The following RILPL2 variants were observed in gnomAD, a reference collection of about 807,000 sequenced individuals.
RILPL2 encodes the protein RILP-like protein 2.
In RILPL2, 19 loss-of-function variants were observed where a neutral mutation model predicts 22.2. That is an observed-to-expected ratio of 0.86 (90% CI 0.60 to 1.25). The LOEUF (loss-of-function observed/expected upper bound fraction) is 1.25, where lower values mean the gene tolerates loss of function less well. Among genes scored for constraint, RILPL2 ranks in the 50% most tolerant of loss-of-function variants. The pLI is 0.00. For missense variants in RILPL2, 243 were observed against 263.6 expected (o/e 0.92, Z 0.54); for synonymous variants, 123 against 111.6 (o/e 1.10, Z -0.64).
At chr12:123,421,888 G>A (rs1465166358) in intron 3 of RILPL2, among the ~76,000 whole-genome samples, 3 of 151,544 alleles carry the variant, frequency 2.0e-5, no homozygotes, top group Non-Finnish European at 1.5e-5. Flanking sequence ...GGCTGGTCTC[G>A]AACTCCTGAC....
chr12:123,421,683 T>C (rs1879286153), intron 3 of RILPL2, among the ~76,000 whole-genome samples: 1 of 149,634 alleles, frequency 6.7e-6, no homozygotes, highest in South Asian at 2.1e-4. Context: ...TTTTTTTTTT[T>C]TTTTTTTTGA....
Position 123,430,136 on chromosome 12 carries a change from T to G in RILPL2, c.491+372A>C, listed in dbSNP as rs1233685097. On this transcript the variant is annotated intron_variant, in intron 2 of 3. Coordinates refer to ENST00000280571, the MANE Select transcript of RILPL2 (RefSeq NM_145058.3). Reference sequence around the variant, plus strand: ...AAAAAAAAAAAAAAAAAAGCCAGGCTTGGTGGCTCATGCCTGTAATCCCGG... The same window carrying G: ...AAAAAAAAAAAAAAAAAAGCCAGGCGTGGTGGCTCATGCCTGTAATCCCGG... 2.9e-4 allele frequency among the ~76,000 whole-genome samples: 36 copies of G among 123,308 alleles called. No homozygotes were observed. In the East Asian group the frequency reaches 4.3e-3, roughly 15 times the overall value. The allele number at this position is 123,308 out of a possible 152,430, so 80.9% of individuals were successfully genotyped here. A position where few individuals can be genotyped will look rare whatever the true frequency, so the allele number is the denominator to read the frequency against.
intron 1 of RILPL2, among the ~76,000 whole-genome samples, chr12:123,434,902 C>T (rs753924065): frequency 1.5e-4 from 22 of 151,422 alleles, no homozygotes; most frequent in Non-Finnish European, 2.7e-4. Flanking sequence ...GGGCTGGGTG[C>T]TGTGGCTCAG....
At chr12:123,410,927 T>A (rs1321778653), downstream of RILPL2, 1 of 152,230 alleles carries the variant, frequency 6.6e-6, no homozygotes, top group Non-Finnish European at 1.5e-5. Flanking sequence ...CTCACTATGT[T>A]GCCCAAGCTA....
At position 123,436,380 on chromosome 12, in the gene RILPL2, CCCT is replaced by C. The variant is rs1276145125; in HGVS notation, c.38_40del (p.Glu13del). 5.0e-5 allele frequency: 78 copies of C among 1,552,328 alleles called. No homozygotes were observed. In the Admixed American group the frequency reaches 1.4e-3, roughly 28 times the overall value. On this transcript the variant is annotated inframe_deletion, in exon 1 of 4. Transcript: ENST00000280571. The surrounding 1 kb of genome is among the most constrained non-coding windows in gnomAD (Gnocchi z 6.7). ...CTCGTCCCTCTCCTCGTCCTCCTCT[CCCT>C]CCTCCTCTTCCTCTTCTCGCACAGG...
At chr12:123,409,459 A>G in the RILPL2 span, 10 of 151,750 alleles carry the variant, frequency 6.6e-5, no homozygotes, top group South Asian at 2.1e-3. Context: ...TACTGACGTG[A>G]TTTTGAGCGT....
rs139435173 is a variant in RILPL2, at chr12:123,436,340, C to G, written c.81G>C (p.Gly27=). Reference sequence around the variant, plus strand: ...GCTGGAAGGGGCTCTTGCCCAGCGCCCCCTCGGGCCCAACCTCGTCCCTCT... The same window carrying G: ...GCTGGAAGGGGCTCTTGCCCAGCGCGCCCTCGGGCCCAACCTCGTCCCTCT... ...DEERDEVGPE[G]ALGKSPFQLT... The change falls in exon 1 of 4, where the codon GGG becomes GGC. Residue 27 remains glycine, a synonymous_variant. Transcript: ENST00000280571. This position sits in a 1 kb window ranked among gnomAD's most constrained non-coding sequence, Gnocchi z 6.7. The G allele has an allele frequency of 8.9e-3, 13,922 of 1,565,056 alleles. 86 individuals carry two copies. The highest frequency in any genetic ancestry group is 0.011 in the Non-Finnish European group (12,518 of 1,154,848).
downstream of RILPL2, chr12:123,412,574 T>C (rs1458564708): frequency 6.6e-6 from 1 of 152,204 alleles, no homozygotes; most frequent in African/African-American, 2.4e-5. Flanking sequence ...AGCCTGTGTG[T>C]GGACTTTGTA....
chr12:123,423,593 A>G (rs1393959640), intron 2 of RILPL2, among the ~76,000 whole-genome samples: 3 of 151,914 alleles, frequency 2.0e-5, no homozygotes, highest in Non-Finnish European at 4.4e-5. Flanking sequence ...TGAAAGCACT[A>G]GAGTCAGAGA....
chr12:123,428,193 G>A (rs1168394705), intron 2 of RILPL2, among the ~76,000 whole-genome samples: 2 of 152,140 alleles, frequency 1.3e-5, no homozygotes, highest in African/African-American at 4.8e-5. Flanking sequence ...CTGGAGTGCA[G>A]TGGCGAGATG....
downstream of RILPL2, chr12:123,412,323 T>A (rs537651957): frequency 3.9e-5 from 6 of 152,278 alleles, no homozygotes; most frequent in East Asian, 1.2e-3. Context: ...TTGTTTTTTG[T>A]AAAGATAGGT....
chr12:123,430,856 GC>G (rs1593494934), intron 1 of RILPL2, among the ~76,000 whole-genome samples, 197 bp from the exon 2 acceptor site: 5 of 152,100 alleles, frequency 3.3e-5, no homozygotes, highest in Admixed American at 2.0e-4. Context: ...CCGCCATCAC[GC>G]CCGGCTAATT....
At chr12:123,409,951 C>T in the RILPL2 span, among the ~76,000 whole-genome samples, 4 of 152,024 alleles carry the variant, frequency 2.6e-5, no homozygotes, top group Non-Finnish European at 4.4e-5. Flanking sequence ...GTTTCGAACT[C>T]CTGACCTCAA....
chr12:123,436,056 C>T lies in RILPL2; in HGVS notation c.339+26G>A, dbSNP rs1210007020. 1 of 1,551,838 alleles carries T rather than the reference C, an allele frequency of 6.4e-7. No individual in the cohort carries two copies. Among genetic ancestry groups the T allele is most frequent in the South Asian group, 1.2e-5 (1 of 84,982 alleles). ...TCCTACGCCCCGCAGGCGCCGTGGG[C>T]CCGGAACCCTCGCTCCCACACTCAC... On this transcript the variant is annotated intron_variant, in intron 1 of 3. Transcript: ENST00000280571. The surrounding 1 kb of genome is among the most constrained non-coding windows in gnomAD (Gnocchi z 6.7).
Position 123,436,489 on chromosome 12 carries a change from G to C in RILPL2, c.-69C>G. Reference sequence around the variant, plus strand: ...TCTCCCAAAGGTTAGACTTCCTCCCGGCACCCAAAACTTTCCGCTGGGCAG... The same window carrying C: ...TCTCCCAAAGGTTAGACTTCCTCCCCGCACCCAAAACTTTCCGCTGGGCAG... On this transcript the variant is annotated 5_prime_UTR_variant, in exon 1 of 4. Transcript: ENST00000280571. The surrounding 1 kb of genome is among the most constrained non-coding windows in gnomAD (Gnocchi z 6.7). 3 of 1,499,474 alleles carry C rather than the reference G, an allele frequency of 2.0e-6. No individual in the cohort carries two copies. The highest frequency in any genetic ancestry group is 2.5e-5 in the East Asian group (1 of 40,522). 92.9% of individuals were successfully genotyped at this position (1,499,474 alleles called of 1,614,324 possible). A position where few individuals can be genotyped will look rare whatever the true frequency, so the allele number is the denominator to read the frequency against.
At chr12:123,413,290 A>C (rs1349736034), downstream of RILPL2, 1 of 174,564 alleles carries the variant, frequency 5.7e-6, no homozygotes, top group Non-Finnish European at 1.2e-5. Context: ...TGACTTCAAG[A>C]ATGAAGCCGC....
chr12:123,416,962 TC>T (rs1305444119), intron 3 of RILPL2, among the ~76,000 whole-genome samples: 1 of 152,110 alleles, frequency 6.6e-6, no homozygotes, highest in African/African-American at 2.4e-5. Flanking sequence ...GTGGAGGTGC[TC>T]TTTCATTATC....
chr12:123,420,903 C>T (rs771728007), intron 3 of RILPL2, among the ~76,000 whole-genome samples: 1 of 152,096 alleles, frequency 6.6e-6, no homozygotes, highest in Non-Finnish European at 1.5e-5. Flanking sequence ...ACCACTGACC[C>T]GCTGTGTAAC....
At chr12:123,428,124 TG>T (rs1879494068) in intron 2 of RILPL2, among the ~76,000 whole-genome samples, 1 of 152,108 alleles carries the variant, frequency 6.6e-6, no homozygotes, top group Non-Finnish European at 1.5e-5. Context: ...TACCTGTGCC[TG>T]AACTACTTAT....
Sources: gnomAD v4.1 joint callset for allele counts (sites outside exome capture counted in the v4.1 genomes callset) on GRCh38, gnomAD v4.1.1 for gene constraint, Gnocchi (gnomAD v3.1) non-coding constraint, MANE v1.5 for transcripts, NCBI Gene and HGNC (gene_info 2026-07-23, HGNC 2026-07-21) for gene names.